Variants in GRID2 observed in about 807,000 individuals in gnomAD.
The protein encoded by GRID2 is glutamate receptor ionotropic, delta-2.
Under a neutral mutation model 114.8 loss-of-function variants are expected in GRID2, and 33 were observed. The observed-to-expected ratio is 0.29, with a 90% CI of 0.22 to 0.38. The LOEUF (loss-of-function observed/expected upper bound fraction) is 0.38, where lower values mean the gene tolerates loss of function less well. Ranked by LOEUF, GRID2 falls within the 10% of genes least tolerant of loss-of-function variation. The pLI is 1.00. For synonymous variants in GRID2, 505 were observed against 449.9 expected (o/e 1.12, Z -1.55); for missense variants, 1,184 against 1,257.7 (o/e 0.94, Z 0.89).
At chr4:92,986,091 A>G (rs1754496653) in intron 2 of GRID2, among the ~76,000 whole-genome samples, 1 of 152,174 alleles carries the variant, frequency 6.6e-6, no homozygotes, top group Non-Finnish European at 1.5e-5. Context: ...TTGCTTGGGG[A>G]CATGGATCAC....
chr4:93,172,086 C>T (rs191728067), intron 4 of GRID2, among the ~76,000 whole-genome samples: 8 of 152,152 alleles, frequency 5.3e-5, no homozygotes, highest in Non-Finnish European at 1.0e-4. Flanking sequence ...TTCCTGACCT[C>T]AGGTCAATAT....
chr4:93,195,002 C>T (rs1007077292), intron 4 of GRID2, among the ~76,000 whole-genome samples: 3 of 152,110 alleles, frequency 2.0e-5, no homozygotes, highest in Admixed American at 2.0e-4. Context: ...GGGTATATTA[C>T]AAGAAGACAA....
intron 1 of GRID2, among the ~76,000 whole-genome samples, chr4:92,478,831 T>C (rs574183253): frequency 6.6e-6 from 1 of 152,272 alleles, no homozygotes; most frequent in African/African-American, 2.4e-5. Context: ...CAATTTTCTG[T>C]CCACATCTCC....
intron 2 of GRID2, among the ~76,000 whole-genome samples, chr4:92,716,414 C>T (rs1181342096): frequency 1.3e-5 from 2 of 152,124 alleles, no homozygotes; most frequent in Non-Finnish European, 2.9e-5. Flanking sequence ...GTGGTCATGT[C>T]CCCTGCCTTA....
chr4:92,710,910 G>A (rs1175918745), intron 2 of GRID2, among the ~76,000 whole-genome samples: 4 of 150,936 alleles, frequency 2.7e-5, no homozygotes, highest in East Asian at 1.9e-4. Flanking sequence ...GAAAAAACTA[G>A]CATTCAGATT....
rs570649583 is a variant in GRID2, at chr4:92,942,446, T to C, written c.245-142549T>C. 1.2e-3 allele frequency among the ~76,000 whole-genome samples: 189 copies of C among 152,310 alleles called. 1 individual carries two copies. The highest frequency in any genetic ancestry group is 4.2e-3 in the African/African-American group (175 of 41,574). On this transcript the variant is annotated intron_variant, in intron 2 of 15. Transcript: ENST00000282020. ...GGCAGATCTTCCTCCATCCCTTTAT[T>C]TTGAGCCTGTGTGTGTCTCTGCATG...
chr4:93,207,524 C>G, intron 5 of GRID2, 67 bp downstream of exon 5: 1 of 981,810 alleles, frequency 1.0e-6, no homozygotes, highest in South Asian at 1.4e-5. Context: ...GTAGCATTTC[C>G]AATGGCCTTG....
rs1048923575 is a variant in GRID2, at chr4:93,228,209, A to G, written c.1125+3434A>G. Among the ~76,000 whole-genome samples, 5 of 152,138 alleles carry G rather than the reference A, an allele frequency of 3.3e-5. No individual in the cohort carries two copies. In the East Asian group the frequency reaches 9.6e-4, roughly 29 times the overall value. ...TTAAGAACAGAAATTTATTTGGCAC[A>G]CAGTTCTGGAACTGGGAAATCCAAG... is the stretch of plus-strand genomic sequence containing the variant. On this transcript the variant is annotated intron_variant, in intron 7 of 15. Transcript: ENST00000282020.
At chr4:92,921,677 C>A (rs1454955220) in intron 2 of GRID2, among the ~76,000 whole-genome samples, 1 of 152,112 alleles carries the variant, frequency 6.6e-6, no homozygotes, top group East Asian at 1.9e-4. Flanking sequence ...TGGTGAACAG[C>A]AAATGTTGCT....
intron 3 of GRID2, among the ~76,000 whole-genome samples, chr4:93,105,007 G>C (rs1417572079): frequency 5.3e-5 from 8 of 151,772 alleles, no homozygotes; most frequent in Non-Finnish European, 1.2e-4. Flanking sequence ...ATTCTAACTG[G>C]TGTGAGATGG....
At chr4:93,095,657 A>G (rs538640167) in intron 3 of GRID2, among the ~76,000 whole-genome samples, 1 of 152,138 alleles carries the variant, frequency 6.6e-6, no homozygotes, top group African/African-American at 2.4e-5. Context: ...TAAACCTGAA[A>G]TAAAACATAA....
At chr4:93,365,319 C>G (rs946443270) in intron 8 of GRID2, among the ~76,000 whole-genome samples, 1 of 152,100 alleles carries the variant, frequency 6.6e-6, no homozygotes, top group African/African-American at 2.4e-5. Context: ...CCTCTACAAT[C>G]CATTTAGTTA....
At chr4:92,616,178 T>A (rs1729995642) in intron 2 of GRID2, among the ~76,000 whole-genome samples, 1 of 151,668 alleles carries the variant, frequency 6.6e-6, no homozygotes, top group Non-Finnish European at 1.5e-5. Flanking sequence ...TAGCAATAGA[T>A]TCTCTCAGTA....
chr4:93,432,155 G>T (rs973477777), intron 10 of GRID2, among the ~76,000 whole-genome samples: 4 of 152,158 alleles, frequency 2.6e-5, no homozygotes, highest in African/African-American at 9.7e-5. Context: ...TAAAAGAATA[G>T]ATCAGTGGCA....
chr4:93,679,832 T>G lies in GRID2; in HGVS notation c.2360+53397T>G, dbSNP rs530828832. Among the ~76,000 whole-genome samples the G allele has an allele frequency of 1.3e-3, 202 of 150,318 alleles. 3 individuals carry two copies. The highest frequency in any genetic ancestry group is 2.0e-3 in the Non-Finnish European group (132 of 67,640). ...TGCCCACAAGAGAAAGCAGGAAAGA[T>G]CCAAAATTGACACCCTAACATCACA... is the stretch of plus-strand genomic sequence containing the variant. On this transcript the variant is annotated intron_variant, in intron 14 of 15. Coordinates refer to ENST00000282020, the MANE Select transcript of GRID2 (RefSeq NM_001510.4).
chr4:92,915,194 G>A (rs1013077314), intron 2 of GRID2, among the ~76,000 whole-genome samples: 3 of 152,068 alleles, frequency 2.0e-5, no homozygotes, highest in African/African-American at 7.2e-5. Context: ...GGGGGAAACC[G>A]CCCCCATTAT....
rs1288466415 is a variant in GRID2 at position 93,001,590 on chromosome 4, GTAC to G, written c.245-83403_245-83401del. Among the ~76,000 whole-genome samples, 7 of 151,728 alleles carry G rather than the reference GTAC, an allele frequency of 4.6e-5. No homozygotes were observed. In the East Asian group the frequency reaches 1.4e-3, roughly 29 times the overall value. Reference sequence around the variant, plus strand: ...ATTAAAATTTTCCTGTATTTAGCTGGTACTGTGAAAACTATACAAAGTATTTAG... The same window carrying G: ...ATTAAAATTTTCCTGTATTTAGCTGGTGTGAAAACTATACAAAGTATTTAG... On this transcript the variant is annotated intron_variant, in intron 2 of 15. Transcript: ENST00000282020.
Position 93,559,281 on chromosome 4 carries a change from T to A in GRID2, c.2193+43870T>A, listed in dbSNP as rs182930839. On this transcript the variant is annotated intron_variant, in intron 13 of 15. Coordinates refer to ENST00000282020, the MANE Select transcript of GRID2 (RefSeq NM_001510.4). ...AGCTTCTGTACAGCAAAATAAACTA[T>A]CATCAGAGTGAACAGGCAACCTACA... Among the ~76,000 whole-genome samples the A allele has an allele frequency of 5.3e-4, 80 of 152,164 alleles. No individual in the cohort carries two copies. The East Asian group carries it at 0.015, about 29-fold the overall frequency.
intron 2 of GRID2, among the ~76,000 whole-genome samples, chr4:93,078,482 T>A (rs1427871831): frequency 6.6e-6 from 1 of 151,460 alleles, no homozygotes; most frequent in Non-Finnish European, 1.5e-5. Context: ...GAAATACATT[T>A]TATATATATA....
Sources: allele counts gnomAD v4.1 joint callset (sites outside exome capture counted in the v4.1 genomes callset), GRCh38; gene constraint gnomAD v4.1.1; transcripts MANE v1.5; gene names NCBI Gene and HGNC (gene_info 2026-07-23, HGNC 2026-07-21).